The following CTNNA2 variants were observed in gnomAD, a reference collection of about 807,000 sequenced individuals.
CTNNA2 encodes the protein catenin alpha 2, also known as catenin alpha-2.
A neutral mutation model predicts 101.0 loss-of-function variants in CTNNA2; 42 were observed. The observed-to-expected ratio is 0.42, with a 90% CI of 0.32 to 0.54. CTNNA2 has a LOEUF of 0.54. Among genes scored for constraint, CTNNA2 ranks in the 20% least tolerant of loss-of-function variants. The probability of loss-of-function intolerance (pLI) is 0.14; values close to 1 mark genes in which losing one functional copy is unlikely to be tolerated. For synonymous variants in CTNNA2, 450 were observed against 456.4 expected (o/e 0.99, Z 0.18); for missense variants, 871 against 1,223.1 (o/e 0.71, Z 4.29).
chr2:79,436,672 C>T (rs1315932181), intron 4 of CTNNA2, among the ~76,000 whole-genome samples: 6 of 151,572 alleles, frequency 4.0e-5, no homozygotes, highest in Admixed American at 6.6e-5. Context: ...TGCTCTCTCA[C>T]CCAGGCTGCA....
At chr2:80,012,452 C>T (rs543125437) in intron 7 of CTNNA2, among the ~76,000 whole-genome samples, 25 of 152,194 alleles carry the variant, frequency 1.6e-4, no homozygotes, top group African/African-American at 6.0e-4. Flanking sequence ...GTCAGGCTGT[C>T]CAAAGGTATC....
At chr2:80,594,049 A>C (rs1441682920) in intron 15 of CTNNA2, among the ~76,000 whole-genome samples, 1 of 152,142 alleles carries the variant, frequency 6.6e-6, no homozygotes, top group Admixed American at 6.5e-5. Flanking sequence ...GAATCACAAT[A>C]TTATTTTTCA....
intron 3 of CTNNA2, among the ~76,000 whole-genome samples, chr2:79,342,776 C>G (rs1284438930): frequency 1.3e-5 from 2 of 152,122 alleles, no homozygotes; most frequent in Admixed American, 1.3e-4. Context: ...AAATTTACTT[C>G]AAAAATCTGT....
intron 4 of CTNNA2, among the ~76,000 whole-genome samples, chr2:79,400,624 A>G (rs528356376): frequency 2.2e-4 from 33 of 152,060 alleles, no homozygotes; most frequent in African/African-American, 7.7e-4. Flanking sequence ...ATATAAGAAA[A>G]ATAAATAAGT....
chr2:79,403,563 C>G (rs1368940491), intron 4 of CTNNA2, among the ~76,000 whole-genome samples: 1 of 151,832 alleles, frequency 6.6e-6, no homozygotes, highest in Non-Finnish European at 1.5e-5. Context: ...GAATATATCA[C>G]AAACTTATAA....
intron 1 of CTNNA2, among the ~76,000 whole-genome samples, chr2:79,521,827 G>C (rs986005584): frequency 6.6e-6 from 1 of 152,122 alleles, no homozygotes; most frequent in Non-Finnish European, 1.5e-5. Flanking sequence ...GCACAAGAAG[G>C]AGAAAATTTA....
At chr2:79,770,998 G>C (rs1673530667) in intron 3 of CTNNA2, among the ~76,000 whole-genome samples, 1 of 152,228 alleles carries the variant, frequency 6.6e-6, no homozygotes, top group Non-Finnish European at 1.5e-5. Context: ...TGCAGATCAA[G>C]CTGGTTGGCC....
intron 7 of CTNNA2, among the ~76,000 whole-genome samples, chr2:80,167,115 A>G (rs1371286155): frequency 5.3e-5 from 8 of 152,066 alleles, no homozygotes; most frequent in Non-Finnish European, 2.9e-5. Context: ...AAAAAAGTAT[A>G]TATATATATT....
At chr2:79,357,444 G>A (rs1016169602) in intron 3 of CTNNA2, among the ~76,000 whole-genome samples, 1 of 152,138 alleles carries the variant, frequency 6.6e-6, no homozygotes, top group African/African-American at 2.4e-5. Flanking sequence ...ATCACAGAAA[G>A]CAAATTATTG....
chr2:79,351,395 G>T (rs1019683640), intron 3 of CTNNA2, among the ~76,000 whole-genome samples: 1 of 152,176 alleles, frequency 6.6e-6, no homozygotes, highest in African/African-American at 2.4e-5. Flanking sequence ...ACCATTTAGT[G>T]AACAGGATAT....
chr2:79,284,541 T>C (rs1209104435), intron 2 of CTNNA2, among the ~76,000 whole-genome samples: 1 of 151,872 alleles, frequency 6.6e-6, no homozygotes, highest in Non-Finnish European at 1.5e-5. Flanking sequence ...TCTTCGGCTC[T>C]GTTTATATGC....
At chr2:79,672,589 A>C (rs759816859) in intron 2 of CTNNA2, among the ~76,000 whole-genome samples, 1 of 152,128 alleles carries the variant, frequency 6.6e-6, no homozygotes, top group Non-Finnish European at 1.5e-5. Flanking sequence ...TTAATCACCT[A>C]AGTTAATGTA....
At chr2:80,556,013 G>A in intron 12 of CTNNA2, 120 bp downstream of exon 12, 1 of 590,232 alleles carries the variant, frequency 1.7e-6, no homozygotes, top group Non-Finnish European at 2.7e-6. Context: ...CATAATTGTG[G>A]AATGGGTGGA....
intron 7 of CTNNA2, among the ~76,000 whole-genome samples, chr2:80,156,317 C>T (rs1485673330): frequency 1.3e-5 from 2 of 152,128 alleles, no homozygotes; most frequent in African/African-American, 4.8e-5. Context: ...GAAATATGAT[C>T]GTTTTATGGT....
At chr2:79,605,539 G>A (rs1348706082) in intron 1 of CTNNA2, among the ~76,000 whole-genome samples, 1 of 151,956 alleles carries the variant, frequency 6.6e-6, no homozygotes, top group African/African-American at 2.4e-5. Context: ...TAATACTTTA[G>A]AAGCAGTCAG....
intron 7 of CTNNA2, among the ~76,000 whole-genome samples, chr2:79,978,208 C>T (rs1379147246): frequency 1.3e-5 from 2 of 152,072 alleles, no homozygotes; most frequent in Non-Finnish European, 2.9e-5. Flanking sequence ...GACATTCGGG[C>T]CATACATTTT....
chr2:79,397,074 G>C (rs1314356823), intron 4 of CTNNA2, among the ~76,000 whole-genome samples: 4 of 152,034 alleles, frequency 2.6e-5, no homozygotes, highest in African/African-American at 9.7e-5. Flanking sequence ...TGCTGGTCCA[G>C]GGACTACATA....
chr2:79,427,361 G>T (rs1406434237), intron 4 of CTNNA2, among the ~76,000 whole-genome samples: 1 of 151,512 alleles, frequency 6.6e-6, no homozygotes, highest in Non-Finnish European at 1.5e-5. Context: ...GTGTGTGCAT[G>T]TGTGTGTGTG....
At chr2:80,431,523 G>T (rs1235748705) in intron 9 of CTNNA2, among the ~76,000 whole-genome samples, 1 of 152,176 alleles carries the variant, frequency 6.6e-6, no homozygotes, top group Non-Finnish European at 1.5e-5. Context: ...TGCATTTGTG[G>T]TTGAATCTTG....
Sources: gnomAD v4.1 joint callset for allele counts (sites outside exome capture counted in the v4.1 genomes callset) on GRCh38, gnomAD v4.1.1 for gene constraint, MANE v1.5 for transcripts, NCBI Gene and HGNC (gene_info 2026-07-23, HGNC 2026-07-21) for gene names.